Variants in RAET1E observed in about 807,000 individuals in gnomAD.
RAET1E encodes NKG2D ligand 4.
Under a neutral mutation model 21.1 loss-of-function variants are expected in RAET1E, and 27 were observed. That is an observed-to-expected ratio of 1.28 (90% CI 0.94 to 1.76). The LOEUF (loss-of-function observed/expected upper bound fraction) is 1.76. Among genes scored for constraint, RAET1E ranks in the 40% most tolerant of loss-of-function variants. RAET1E has a pLI of 0.00. For synonymous variants in RAET1E, 113 were observed against 115.0 expected (o/e 0.98, Z 0.11); for missense variants, 310 against 311.3 (o/e 1.00, Z 0.03).
chr6:149,889,149 A>C (rs1777757985), intron 5 of RAET1E, 199 bp downstream of exon 5: 1 of 1,438,436 alleles, frequency 7.0e-7, no homozygotes. Context: ...GGGTTTCTAC[A>C]CTGAGGAAGA....
intron 2 of RAET1E, among the ~76,000 whole-genome samples, chr6:149,893,869 A>G (rs1317199922): frequency 6.6e-6 from 1 of 152,178 alleles, no homozygotes; most frequent in African/African-American, 2.4e-5. Context: ...ATTTTCGGAT[A>G]TGTTCCATCA....
chr6:149,890,863 A>T lies in RAET1E; in HGVS notation c.39T>A (p.Leu13=). The T allele has an allele frequency of 6.2e-7, 1 of 1,613,796 alleles. No individual in the cohort carries two copies. The highest frequency in any genetic ancestry group is 8.5e-7 in the Non-Finnish European group (1 of 1,179,726). ...RISLTSSPVR[L]LLFLLLLLIA... ...TTAGTAGCAACAGCAGAAACAAAAG[A>T]AGGCGCACAGGGCTAGAAGTCAGGG... Residue 13 remains leucine, a synonymous_variant, in exon 3 of 6, where the codon CTT becomes CTA. Transcript: ENST00000357183.
rs1329920944 is a variant in RAET1E, at chr6:149,887,938, C to T, written c.*560G>A. ...GTTCTCTCAGCCAGGTGTGTTGGCT[C>T]CCCCTGTAATCCCAGCGCTTTGGGA... On this transcript the variant is annotated 3_prime_UTR_variant, in exon 6 of 6. Transcript: ENST00000357183. Among the ~76,000 whole-genome samples, 2 of 152,124 alleles carry T rather than the reference C, an allele frequency of 1.3e-5. No individual in the cohort carries two copies. The highest frequency in any genetic ancestry group is 2.9e-5 in the Non-Finnish European group (2 of 68,028).
intron 2 of RAET1E, among the ~76,000 whole-genome samples, chr6:149,894,846 G>A (rs1201113472): frequency 6.6e-6 from 1 of 152,148 alleles, no homozygotes; most frequent in Non-Finnish European, 1.5e-5. Context: ...ATTTGGAGGA[G>A]GAGAGGCGTT....
chr6:149,895,658 A>G (rs144967018), intron 2 of RAET1E, 188 bp downstream of exon 2: 244 of 152,326 alleles, frequency 1.6e-3, no homozygotes, highest in African/African-American at 5.6e-3. Context: ...TTTTTCTTAG[A>G]ACAAAATTTT....
In RAET1E at chr6:149,884,165, A is replaced by G; in HGVS notation, c.*4333T>C. The stretch of plus-strand genomic sequence containing the variant: ...GGGCTGGTGGTAGGATCATAGGTCC[A>G]CAATCTCACGAGCAAAGGCTCACTG... On this transcript the variant is annotated 3_prime_UTR_variant, in exon 6 of 6. Coordinates refer to ENST00000357183, the MANE Select transcript of RAET1E (RefSeq NM_001394057.1). 1 of 329,954 alleles carries G rather than the reference A, an allele frequency of 3.0e-6. No individual in the cohort carries two copies. 20.4% of individuals were successfully genotyped at this position (329,954 alleles called of 1,614,324 possible).
intron 1 of RAET1E, among the ~76,000 whole-genome samples, chr6:149,896,525 TC>T (rs1778120103): frequency 6.6e-6 from 1 of 152,146 alleles, no homozygotes; most frequent in Non-Finnish European, 1.5e-5. Context: ...TGGAGCCTGT[TC>T]TGTACACATC....
chr6:149,895,706 A>G (rs1247215794), intron 2 of RAET1E, 140 bp downstream of exon 2: 1 of 152,202 alleles, frequency 6.6e-6, no homozygotes, highest in African/African-American at 2.4e-5. Flanking sequence ...TTCCTCATAA[A>G]ACTTAGTATC....
chr6:149,889,994 C>T lies in RAET1E; in HGVS notation c.237G>A (p.Lys79=). 6.2e-7 allele frequency: 1 copy of T among 1,614,178 alleles called. No individual in the cohort carries two copies. Among genetic ancestry groups the T allele is most frequent in the African/African-American group, 1.3e-5 (1 of 75,034 alleles). ...NMVKPLGLLG[K]KVYATSTWGE... ...CCCAAGTGCTGGTGGCATATACCTT[C>T]TTCCCCAGGAGGCCCAGAGGTTTGA... is the stretch of plus-strand genomic sequence containing the variant. The change falls in exon 4 of 6, where the codon AAG becomes AAA. Residue 79 remains lysine, a synonymous_variant. Coordinates refer to ENST00000357183, the MANE Select transcript of RAET1E (RefSeq NM_001394057.1).
chr6:149,890,973 A>G lies in RAET1E; in HGVS notation c.-72T>C, dbSNP rs959789316. 113 of 1,137,060 alleles carry G rather than the reference A, an allele frequency of 9.9e-5. 1 individual carries two copies. The highest frequency in any genetic ancestry group is 9.0e-5 in the Non-Finnish European group (68 of 756,174). 70.4% of individuals were successfully genotyped at this position (1,137,060 alleles called of 1,614,324 possible). ...CTCACTGGTATGGTGAAGAAATGTTATCCAACAGCGTGGGTGTGGGCACTG... is the reference window on the plus strand; with the variant it reads ...CTCACTGGTATGGTGAAGAAATGTTGTCCAACAGCGTGGGTGTGGGCACTG... On this transcript the variant is annotated 5_prime_UTR_variant, in exon 3 of 6. Transcript: ENST00000357183.
rs777647534 is a variant in RAET1E at position 149,889,402 on chromosome 6, C to T, written c.568G>A (p.Asp190Asn). ...CCTAAGAATTCCCTGAGCCAGTGAT[C>T]GCAGTCTCCCTTTGAGAGCTTCCTG... ...YFRKLSKGDC[D>N]HWLREFLGHW... Residue 190 changes from aspartate (D) to asparagine (N), a missense_variant, in exon 5 of 6, where the codon GAT becomes AAT. By Grantham distance (23) the Asp-to-Asn change is conservative (BLOSUM62 1). Coordinates refer to ENST00000357183, the MANE Select transcript of RAET1E (RefSeq NM_001394057.1). 14 of 1,614,074 alleles carry T rather than the reference C, an allele frequency of 8.7e-6. No individual in the cohort carries two copies. Among genetic ancestry groups the T allele is most frequent in the African/African-American group, 5.3e-5 (4 of 74,932 alleles).
Position 149,884,801 on chromosome 6 carries a change from C to CAAGG in RAET1E, c.*3693_*3696dup, listed in dbSNP as rs1777537484. Among the ~76,000 whole-genome samples the CAAGG allele has an allele frequency of 6.6e-6, 1 of 152,220 alleles. No individual in the cohort carries two copies. Among genetic ancestry groups the CAAGG allele is most frequent in the Non-Finnish European group, 1.5e-5 (1 of 68,048 alleles). On this transcript the variant is annotated 3_prime_UTR_variant, in exon 6 of 6. Coordinates refer to ENST00000357183, the MANE Select transcript of RAET1E (RefSeq NM_001394057.1). ...GGGGCAAGAGTCTTCCAGCTGTGGGCAAGGGTATCCCTGCGGCAGGTCCAG... is the reference window on the plus strand; with the variant it reads ...GGGGCAAGAGTCTTCCAGCTGTGGGCAAGGAAGGGTATCCCTGCGGCAGGTCCAG...
In RAET1E at chr6:149,886,447, T is replaced by C. The variant is rs1001205888; in HGVS notation, c.*2051A>G. ...TCTCACTCTGTCACCCAGGCTGGAG[T>C]GCAATGGCGCAATATCAGCTCACTG... is the stretch of plus-strand genomic sequence containing the variant. On this transcript the variant is annotated 3_prime_UTR_variant, in exon 6 of 6. Transcript: ENST00000357183. Among the ~76,000 whole-genome samples, 9 of 152,174 alleles carry C rather than the reference T, an allele frequency of 5.9e-5. No homozygotes were observed. The highest frequency in any genetic ancestry group is 4.4e-5 in the Non-Finnish European group (3 of 68,040).
At chr6:149,897,121 C>A (rs559959104) in intron 1 of RAET1E, among the ~76,000 whole-genome samples, 20 of 152,320 alleles carry the variant, frequency 1.3e-4, no homozygotes, top group African/African-American at 4.8e-4. Context: ...CAGCCTTGAA[C>A]TCCCAGGCTC....
rs539185395 is a variant in RAET1E, at chr6:149,890,991, G to A, written c.-90C>T. ...AAATGTTATCCAACAGCGTGGGTGT[G>A]GGCACTGCCCAAATTCTTTACCCTG... On this transcript the variant is annotated 5_prime_UTR_variant, in exon 3 of 6. Coordinates refer to ENST00000357183, the MANE Select transcript of RAET1E (RefSeq NM_001394057.1). 1.6e-4 allele frequency: 148 copies of A among 908,526 alleles called. No homozygotes were observed. The South Asian group carries it at 1.9e-3, about 12-fold the overall frequency. The allele number at this position is 908,526 out of a possible 1,614,324, so 56.3% of individuals were successfully genotyped here. A position where few individuals can be genotyped will look rare whatever the true frequency, so the allele number is the denominator to read the frequency against.
chr6:149,885,427 G>A lies in RAET1E; in HGVS notation c.*3071C>T, dbSNP rs1337802593. Among the ~76,000 whole-genome samples the A allele has an allele frequency of 2.6e-5, 4 of 152,276 alleles. No homozygotes were observed. Among genetic ancestry groups the A allele is most frequent in the Admixed American group, 6.5e-5 (1 of 15,296 alleles). ...CCTCTCAGGTCGTGAATGCCCAGGC[G>A]ATAAATGAAATTCACCTCATCTTAT... is the stretch of plus-strand genomic sequence containing the variant. On this transcript the variant is annotated 3_prime_UTR_variant, in exon 6 of 6. Coordinates refer to ENST00000357183, the MANE Select transcript of RAET1E (RefSeq NM_001394057.1).
chr6:149,890,986 G>T lies in RAET1E; in HGVS notation c.-85C>A. The T allele has an allele frequency of 1.0e-6, 1 of 1,004,052 alleles. No individual in the cohort carries two copies. The highest frequency in any genetic ancestry group is 1.6e-6 in the Non-Finnish European group (1 of 642,938). The allele number at this position is 1,004,052 out of a possible 1,614,324, so 62.2% of individuals were successfully genotyped here. A position where few individuals can be genotyped will look rare whatever the true frequency, so the allele number is the denominator to read the frequency against. ...TGAAGAAATGTTATCCAACAGCGTG[G>T]GTGTGGGCACTGCCCAAATTCTTTA... On this transcript the variant is annotated 5_prime_UTR_variant, in exon 3 of 6. Coordinates refer to ENST00000357183, the MANE Select transcript of RAET1E (RefSeq NM_001394057.1).
rs373500311 is a variant in RAET1E at position 149,890,090 on chromosome 6, C to T, written c.141G>A (p.Gln47=). 4 of 1,613,572 alleles carry T rather than the reference C, an allele frequency of 2.5e-6. No individual in the cohort carries two copies. Among genetic ancestry groups the T allele is most frequent in the Non-Finnish European group, 3.4e-6 (4 of 1,179,504 alleles). The change falls in exon 4 of 6, where the codon CAG becomes CAA. Residue 47 remains glutamine, a synonymous_variant. Coordinates refer to ENST00000357183, the MANE Select transcript of RAET1E (RefSeq NM_001394057.1). The part of the protein sequence containing the change: ...FTIKSLSRPG[Q]PWCEAQVFLN... ...AGAAGACCTGCGCTTCACACCAGGG[C>T]TGTCCAGGTCTGGACAATGATTTTA...
rs779712027 is a variant in RAET1E, at chr6:149,888,688, A to AG, written c.623-22_623-21insC. Reference sequence around the variant, plus strand: ...TGACACTAAAAAAAAAAAAAAAAAGAAAAAAAAGCACAAGCCCTGTCACAT... The same window carrying AG: ...TGACACTAAAAAAAAAAAAAAAAAGAGAAAAAAAGCACAAGCCCTGTCACAT... On this transcript the variant is annotated intron_variant, in intron 5 of 5. Transcript: ENST00000357183. 12 of 1,547,282 alleles carry AG rather than the reference A, an allele frequency of 7.8e-6. No homozygotes were observed. In the East Asian group the frequency reaches 2.6e-4, roughly 33 times the overall value.
Sources: allele counts gnomAD v4.1 joint callset (sites outside exome capture counted in the v4.1 genomes callset), GRCh38; gene constraint gnomAD v4.1.1; transcripts MANE v1.5; gene names NCBI Gene and HGNC (gene_info 2026-07-23, HGNC 2026-07-21).